BRD4: variants seen among roughly 807,000 people sequenced by gnomAD.
The protein encoded by BRD4 is bromodomain-containing protein 4.
A neutral mutation model predicts 142.1 loss-of-function variants in BRD4; 16 were observed. The observed-to-expected ratio is 0.11, with a 90% confidence interval of 0.08 to 0.17. The LOEUF is 0.17. BRD4 is among the 10% of genes least tolerant of loss of function. The probability of loss-of-function intolerance (pLI) is 1.00; values close to 1 mark genes in which losing one functional copy is unlikely to be tolerated. For synonymous variants in BRD4, 833 were observed against 707.5 expected, an observed-to-expected ratio of 1.18 and a Z score of -2.82; for missense variants, 1,424 against 1,810.9, an observed-to-expected ratio of 0.79 and a Z score of 3.88.
chr19:15,237,620 T>G lies in BRD4; in HGVS notation c.*757A>C, dbSNP rs1421240088. The G allele has an allele frequency of 4.8e-6, 1 of 207,726 alleles. No individual in the cohort carries two copies. The highest frequency in any genetic ancestry group is 2.4e-5 in the African/African-American group (1 of 40,874). 12.9% of individuals were successfully genotyped at this position (207,726 alleles called of 1,614,324 possible). On this transcript the variant is annotated 3_prime_UTR_variant, in exon 20 of 20. Coordinates refer to ENST00000679869, the MANE Select transcript of BRD4 (RefSeq NM_001379291.1). ...AATAGAATTCAACAAAAAATATATA[T>G]AGAAAAAAAAGAAAAAAAAAAACGA...
At chr19:15,289,159 A>T (rs996845537) in intron 1 of BRD4, among the ~76,000 whole-genome samples, 1 of 152,232 alleles carries the variant, frequency 6.6e-6, no homozygotes, top group African/African-American at 2.4e-5. Context: ...CCTAAGCCAG[A>T]GGCCAGGCCC....
intron 5 of BRD4, 100 bp downstream of exon 5, chr19:15,265,254 C>T (rs2047519330): frequency 9.3e-6 from 11 of 1,183,278 alleles, no homozygotes; most frequent in Non-Finnish European, 1.3e-5. Context: ...AAACACCCAC[C>T]AGTGCCCGGG....
intron 1 of BRD4, among the ~76,000 whole-genome samples, chr19:15,274,923 A>G (rs2047629839): frequency 6.6e-6 from 1 of 151,678 alleles, no homozygotes; most frequent in South Asian, 2.1e-4. Context: ...CAGTGGTGCA[A>G]TCTTGGCTCA....
chr19:15,245,595 C>T (rs1213761684), intron 11 of BRD4, among the ~76,000 whole-genome samples: 2 of 152,274 alleles, frequency 1.3e-5, no homozygotes, highest in East Asian at 3.9e-4. Flanking sequence ...CGAGAGCCAG[C>T]GTGCCCACCT....
At chr19:15,293,229 C>A (rs1300161009) in intron 1 of BRD4, among the ~76,000 whole-genome samples, 1 of 152,206 alleles carries the variant, frequency 6.6e-6, no homozygotes, top group South Asian at 2.1e-4. Flanking sequence ...CATACAGTTT[C>A]GCTTGTTAAA....
chr19:15,321,071 T>G (rs2048057361), intron 1 of BRD4, among the ~76,000 whole-genome samples: 1 of 152,018 alleles, frequency 6.6e-6, no homozygotes, highest in Admixed American at 6.6e-5. Flanking sequence ...CTGCCCCTAC[T>G]AAAAATACAA....
At chr19:15,266,209 C>T (rs2047532812) in intron 4 of BRD4, among the ~76,000 whole-genome samples, 1 of 152,184 alleles carries the variant, frequency 6.6e-6, no homozygotes, top group Non-Finnish European at 1.5e-5. Flanking sequence ...CACACCCAAC[C>T]AGCTGCAAAA....
In BRD4 at chr19:15,255,548, T is replaced by C; in HGVS notation, c.1796A>G (p.Tyr599Cys). ...APMKSKPPPT[Y>C]ESEEEDKCKP... ...GCACTTGTCCTCTTCCTCCGACTCA[T>C]ACGTGGGAGGGGGCTTGCTCTTCAT... Residue 599 changes from tyrosine to cysteine, a missense_variant, in exon 10 of 20, where the codon TAT (tyrosine) becomes TGT (cysteine). Tyr to Cys is a radical substitution (Grantham distance 194). Transcript: ENST00000679869. 1 of 1,611,510 alleles carries C rather than the reference T, an allele frequency of 6.2e-7. No individual in the cohort carries two copies.
At chr19:15,304,536 G>A (rs988441343) in intron 1 of BRD4, among the ~76,000 whole-genome samples, 19 of 152,210 alleles carry the variant, frequency 1.2e-4, no homozygotes, top group South Asian at 1.0e-3. Context: ...CCCTGCCAGG[G>A]GATGTGCTGA....
At chr19:15,293,561 G>A (rs181089908) in intron 1 of BRD4, among the ~76,000 whole-genome samples, 12 of 152,336 alleles carry the variant, frequency 7.9e-5, no homozygotes, top group Non-Finnish European at 1.2e-4. Context: ...GGCACCACTC[G>A]TTAGTCTCTA....
intron 4 of BRD4, 72 bp downstream of exon 4, chr19:15,267,343 GC>G: frequency 1.3e-6 from 2 of 1,562,590 alleles, no homozygotes; most frequent in Middle Eastern, 1.7e-4. Flanking sequence ...GCCACTCCCA[GC>G]CCCCCACCAA....
At position 15,263,404 on chromosome 19, in the gene BRD4, C is replaced by T. The variant is rs764028301; in HGVS notation, c.1341+16G>A. 33 of 1,610,770 alleles carry T rather than the reference C, an allele frequency of 2.0e-5. No homozygotes were observed. The highest frequency in any genetic ancestry group is 2.8e-5 in the Non-Finnish European group (33 of 1,177,228). ...GCCTGCTCTGCTGAGGGTGGCTGCG[C>T]CCTCCCAAGCCTCACCTGGAGCTTG... On this transcript the variant is annotated intron_variant, in intron 7 of 19. Transcript: ENST00000679869.
intron 1 of BRD4, among the ~76,000 whole-genome samples, chr19:15,287,318 C>T (rs984043459): frequency 2.6e-5 from 4 of 151,888 alleles, no homozygotes; most frequent in Non-Finnish European, 4.4e-5. Flanking sequence ...ATAAAACTTA[C>T]CACTTTAACC....
chr19:15,278,016 G>A (rs1337897973), intron 1 of BRD4, among the ~76,000 whole-genome samples: 1 of 145,860 alleles, frequency 6.9e-6, no homozygotes, highest in East Asian at 2.1e-4. Flanking sequence ...TGAGGCAGGA[G>A]CATGGTGTGA....
chr19:15,243,941 G>A (rs1468394550), intron 13 of BRD4, among the ~76,000 whole-genome samples: 1 of 152,146 alleles, frequency 6.6e-6, no homozygotes, highest in East Asian at 1.9e-4. Context: ...CTAACATGAC[G>A]CCTGGCCCAG....
intron 1 of BRD4, among the ~76,000 whole-genome samples, chr19:15,303,425 G>A (rs967483778): frequency 6.6e-6 from 1 of 152,070 alleles, no homozygotes; most frequent in Non-Finnish European, 1.5e-5. Flanking sequence ...GGGAGAAGAC[G>A]GTTAGGCAAC....
chr19:15,310,915 G>A (rs547393573), intron 1 of BRD4, among the ~76,000 whole-genome samples: 60 of 152,130 alleles, frequency 3.9e-4, no homozygotes, highest in Non-Finnish European at 2.9e-4. Flanking sequence ...ATCAGTTTCC[G>A]TGTGGAGGCA....
intron 9 of BRD4, 35 bp downstream of exon 9, chr19:15,256,029 G>A (rs2047404746): frequency 1.9e-6 from 3 of 1,605,900 alleles, no homozygotes; most frequent in African/African-American, 1.3e-5. Flanking sequence ...CTGGAAGGAG[G>A]GTCCCCACCC....
At chr19:15,286,547 G>A (rs1434883195) in intron 1 of BRD4, among the ~76,000 whole-genome samples, 1 of 152,162 alleles carries the variant, frequency 6.6e-6, no homozygotes, top group Non-Finnish European at 1.5e-5. Context: ...AAGCAGGTAT[G>A]CTTACCCAAA....
Sources: gnomAD v4.1 joint callset for allele counts (sites outside exome capture counted in the v4.1 genomes callset) on GRCh38, gnomAD v4.1.1 for gene constraint, MANE v1.5 for transcripts, NCBI Gene and HGNC (gene_info 2026-07-23, HGNC 2026-07-21) for gene names.